CAMK2G: variants seen among roughly 807,000 people sequenced by gnomAD.
CAMK2G encodes the protein calcium/calmodulin-dependent protein kinase type II subunit gamma.
In CAMK2G, 23 loss-of-function variants were observed where a neutral mutation model predicts 88.7. The observed-to-expected ratio is 0.26, with a 90% confidence interval of 0.19 to 0.37. The LOEUF (loss-of-function observed/expected upper bound fraction) is 0.37, where lower values mean the gene tolerates loss of function less well. CAMK2G is among the 10% of genes least tolerant of loss of function. CAMK2G has a pLI of 1.00. For synonymous variants in CAMK2G, 263 were observed against 294.8 expected, an observed-to-expected ratio of 0.89 and a Z score of 1.11; for missense variants, 476 against 780.8, an observed-to-expected ratio of 0.61 and a Z score of 4.65.
At chr10:73,867,028 C>T (rs1268330864) in intron 2 of CAMK2G, among the ~76,000 whole-genome samples, 1 of 152,210 alleles carries the variant, frequency 6.6e-6, no homozygotes, top group Admixed American at 6.5e-5. Flanking sequence ...ACCATGGTTT[C>T]TAATGCCCTC....
intron 1 of CAMK2G, 151 bp from the exon 2 acceptor site, chr10:73,873,234 C>G: frequency 9.8e-7 from 1 of 1,021,200 alleles, no homozygotes; most frequent in Non-Finnish European, 1.5e-6. Context: ...CCACCACCAT[C>G]CAACATGAGG....
chr10:73,835,874 G>A (rs2093146581), intron 14 of CAMK2G, among the ~76,000 whole-genome samples: 2 of 151,816 alleles, frequency 1.3e-5, no homozygotes, highest in African/African-American at 4.8e-5. Context: ...TTGCTCTGTC[G>A]CCCAGGCTGG....
chr10:73,829,407 G>C (rs1223513691), intron 14 of CAMK2G, among the ~76,000 whole-genome samples: 1 of 151,776 alleles, frequency 6.6e-6, no homozygotes, highest in Non-Finnish European at 1.5e-5. Flanking sequence ...CAATTCTCCT[G>C]CCTTAGCCTC....
At chr10:73,837,359 T>G in intron 14 of CAMK2G, 109 bp downstream of exon 14, 1 of 881,462 alleles carries the variant, frequency 1.1e-6, no homozygotes, top group Non-Finnish European at 2.0e-6. Context: ...TAAAGCAGAC[T>G]AGCAAGGATA....
chr10:73,873,193 TCACGTACATG>T, intron 1 of CAMK2G, 110 bp from the exon 2 acceptor site: 6 of 976,348 alleles, frequency 6.1e-6, no homozygotes, highest in Non-Finnish European at 9.8e-6. Context: ...CTAGTCACAC[TCACGTACATG>T]CACACACACC....
At chr10:73,852,355 A>G (rs2094691560) in intron 4 of CAMK2G, 36 bp from the exon 5 acceptor site, 1 of 1,583,206 alleles carries the variant, frequency 6.3e-7, no homozygotes, top group South Asian at 1.1e-5. Flanking sequence ...CAGAGGCAGA[A>G]AGGGTCCTTT....
At chr10:73,824,938 C>T (rs2090397904) in intron 16 of CAMK2G, among the ~76,000 whole-genome samples, 1 of 152,172 alleles carries the variant, frequency 6.6e-6, no homozygotes, top group South Asian at 2.1e-4. Context: ...AAGCTCCTAC[C>T]CTCTCCTTTC....
intron 1 of CAMK2G, chr10:73,873,405 C>T (rs543027443): frequency 8.3e-5 from 102 of 1,222,404 alleles, no homozygotes; most frequent in Non-Finnish European, 9.7e-5. Flanking sequence ...GCATCTCAGA[C>T]AGCCCTGCGG....
At chr10:73,870,081 A>G (rs1017909057) in intron 2 of CAMK2G, among the ~76,000 whole-genome samples, 3 of 152,244 alleles carry the variant, frequency 2.0e-5, no homozygotes, top group South Asian at 2.1e-4. Context: ...ATGAATAAAG[A>G]TAAGAAGGGA....
At chr10:73,860,750 C>T in intron 3 of CAMK2G, 80 bp downstream of exon 3, 1 of 1,013,028 alleles carries the variant, frequency 9.9e-7, no homozygotes, top group Non-Finnish European at 1.6e-6. Context: ...CAGAGGTGAT[C>T]CCACACACAA....
intron 6 of CAMK2G, 37 bp from the exon 7 acceptor site, chr10:73,849,152 C>G: frequency 6.3e-7 from 1 of 1,587,966 alleles, no homozygotes; most frequent in Non-Finnish European, 8.6e-7. Context: ...TGAGCACCCA[C>G]CCTGCAGCCC....
At chr10:73,831,949 C>G (rs185033933) in intron 14 of CAMK2G, among the ~76,000 whole-genome samples, 2 of 151,826 alleles carry the variant, frequency 1.3e-5, no homozygotes, top group Non-Finnish European at 2.9e-5. Context: ...GAGATGGAGT[C>G]TTGCTTATGT....
chr10:73,839,419 C>T lies in CAMK2G; in HGVS notation c.1009+120G>A. ...CAAGTTAGGTAGTCTGTCTGGCATGCCCATCTCAGCCCGCAAGCATGGGAC... is the reference window on the plus strand; with the variant it reads ...CAAGTTAGGTAGTCTGTCTGGCATGTCCATCTCAGCCCGCAAGCATGGGAC... On this transcript the variant is annotated intron_variant, in intron 13 of 22. Transcript: ENST00000423381. The surrounding 1 kb of genome is among the most constrained non-coding windows in gnomAD (Gnocchi z 4.2). 2.1e-6 allele frequency: 1 copy of T among 470,510 alleles called. No homozygotes were observed. The highest frequency in any genetic ancestry group is 3.4e-6 in the Non-Finnish European group (1 of 292,592). 29.1% of individuals were successfully genotyped at this position (470,510 alleles called of 1,614,324 possible). A position where few individuals can be genotyped will look rare whatever the true frequency, so the allele number is the denominator to read the frequency against.
intron 2 of CAMK2G, among the ~76,000 whole-genome samples, chr10:73,863,440 T>A (rs1228890760): frequency 6.6e-6 from 1 of 152,180 alleles, no homozygotes; most frequent in Non-Finnish European, 1.5e-5. Context: ...GATGTTGACA[T>A]GACCCCACCT....
At chr10:73,871,166 G>GAA (rs113182710) in intron 2 of CAMK2G, among the ~76,000 whole-genome samples, 1 of 143,904 alleles carries the variant, frequency 6.9e-6, no homozygotes, top group Non-Finnish European at 1.5e-5. Context: ...TTCTTGAGGG[G>GAA]AAAAAAAAAA....
chr10:73,820,797 C>T (rs12777883), intron 18 of CAMK2G, among the ~76,000 whole-genome samples: 21 of 151,316 alleles, frequency 1.4e-4, no homozygotes, highest in Admixed American at 1.3e-4. Context: ...CTCCGCCTCC[C>T]GAGTAGCTAC....
At chr10:73,820,492 A>ATATATTTT (rs1554995765) in intron 18 of CAMK2G, among the ~76,000 whole-genome samples, 44 of 51,056 alleles carry the variant, frequency 8.6e-4, no homozygotes, top group African/African-American at 2.6e-3. Flanking sequence ...ATATATATAT[A>ATATATTTT]TTTTTTTTTT....
rs1014628395 is a variant in CAMK2G, at chr10:73,868,119, C to A, written c.160+4870G>T. On this transcript the variant is annotated intron_variant, in intron 2 of 22. Coordinates refer to ENST00000423381, the MANE Select transcript of CAMK2G (RefSeq NM_001367534.1). ...TGGTCTGCCAAAGCTGTTCAGAGAGCAGCAAGCATACAGATGGGAGCAGGA... is the reference window on the plus strand; with the variant it reads ...TGGTCTGCCAAAGCTGTTCAGAGAGAAGCAAGCATACAGATGGGAGCAGGA... Among the ~76,000 whole-genome samples the A allele has an allele frequency of 2.0e-5, 3 of 152,266 alleles. 1 individual carries two copies. In the South Asian group the frequency reaches 6.2e-4, roughly 32 times the overall value.
intron 14 of CAMK2G, among the ~76,000 whole-genome samples, chr10:73,833,000 T>C (rs971736506): frequency 1.3e-5 from 2 of 151,024 alleles, no homozygotes; most frequent in African/African-American, 4.9e-5. Flanking sequence ...AGCCTCACTC[T>C]GTCACCCAGG....
Sources: gnomAD v4.1 joint callset for allele counts (sites outside exome capture counted in the v4.1 genomes callset) on GRCh38, gnomAD v4.1.1 for gene constraint, Gnocchi (gnomAD v3.1) non-coding constraint, MANE v1.5 for transcripts, NCBI Gene and HGNC (gene_info 2026-07-23, HGNC 2026-07-21) for gene names.